Variants in SGSM2 observed in about 807,000 individuals in gnomAD.
SGSM2 encodes the protein RUN and TBC1 domain containing 1.
A neutral mutation model predicts 126.6 loss-of-function variants in SGSM2; 89 were observed. The ratio of observed to expected loss-of-function variants is 0.70; its 90% CI spans 0.59 to 0.84. The LOEUF is 0.84. Ranked by LOEUF, SGSM2 falls within the 40% of genes least tolerant of loss-of-function variation. SGSM2 has a pLI of 0.00. For missense variants in SGSM2, 1,404 were observed against 1,416.6 expected, an observed-to-expected ratio of 0.99 and a Z score of 0.14; for synonymous variants, 614 against 574.3, an observed-to-expected ratio of 1.07 and a Z score of -0.99.
Position 2,380,165 on chromosome 17 carries a change from CACCTGAGGTG to C in SGSM2, c.*649_*658del, listed in dbSNP as rs1014739747. The C allele has an allele frequency of 1.8e-5, 27 of 1,489,108 alleles. No homozygotes were observed. The African/African-American group carries it at 3.1e-4, about 17-fold the overall frequency. 92.2% of individuals were successfully genotyped at this position (1,489,108 alleles called of 1,614,324 possible). On this transcript the variant is annotated 3_prime_UTR_variant, in exon 24 of 24. Coordinates refer to ENST00000268989, the MANE Select transcript of SGSM2 (RefSeq NM_014853.3). ...CAGCAGCACTGCCACTGCCTTTGGCCACCTGAGGTGACCCCCAGGCCTCCCCGGCCTTGTA... is the reference window on the plus strand; with the variant it reads ...CAGCAGCACTGCCACTGCCTTTGGCCACCCCCAGGCCTCCCCGGCCTTGTA...
chr17:2,343,477 T>C (rs980411903), intron 1 of SGSM2, 68 bp from the exon 2 acceptor site: 2 of 1,511,336 alleles, frequency 1.3e-6, no homozygotes, highest in African/African-American at 2.7e-5. Context: ...AACCAAACTA[T>C]TTATTTGCCC....
At chr17:2,351,610 T>A (rs2064856808) in intron 2 of SGSM2, among the ~76,000 whole-genome samples, 1 of 152,206 alleles carries the variant, frequency 6.6e-6, no homozygotes, top group South Asian at 2.1e-4. Context: ...CAATGGGATG[T>A]GTAGCATGGA....
intron 1 of SGSM2, among the ~76,000 whole-genome samples, chr17:2,341,843 C>T (rs1353132582): frequency 6.6e-6 from 1 of 152,094 alleles, no homozygotes; most frequent in Non-Finnish European, 1.5e-5. Flanking sequence ...CATTCCTTGC[C>T]TAGAAACATA....
intron 2 of SGSM2, among the ~76,000 whole-genome samples, chr17:2,358,106 C>T (rs1168505725): frequency 6.6e-6 from 1 of 152,166 alleles, no homozygotes; most frequent in Non-Finnish European, 1.5e-5. Flanking sequence ...ACCCTCCACC[C>T]TGGGAGGTGG....
chr17:2,357,073 A>T (rs1343049350), intron 2 of SGSM2, among the ~76,000 whole-genome samples: 1 of 152,070 alleles, frequency 6.6e-6, no homozygotes, highest in African/African-American at 2.4e-5. Context: ...AGCCGTGTGT[A>T]GCATTTGTTA....
At chr17:2,349,608 A>G (rs1191096671) in intron 2 of SGSM2, among the ~76,000 whole-genome samples, 2 of 152,126 alleles carry the variant, frequency 1.3e-5, no homozygotes, top group East Asian at 3.9e-4. Context: ...ATAAATATAT[A>G]TGATGTCTAA....
intron 2 of SGSM2, among the ~76,000 whole-genome samples, chr17:2,358,882 T>TTTG (rs1567817497): frequency 2.0e-5 from 3 of 149,066 alleles, no homozygotes; most frequent in African/African-American, 7.5e-5. Context: ...TGTTTTTTTT[T>TTTG]TTTTTTTTTT....
At position 2,380,308 on chromosome 17, in the gene SGSM2, G is replaced by T. The variant is rs767820845; in HGVS notation, c.*788G>T. On this transcript the variant is annotated 3_prime_UTR_variant, in exon 24 of 24. Transcript: ENST00000268989. ...CGTGTAAGAAGTGATGCTTTTGCCA[G>T]TGGATGATCTGGAATGCGACCGGAG... is the stretch of plus-strand genomic sequence containing the variant. 1.1e-5 allele frequency: 17 copies of T among 1,535,718 alleles called. No homozygotes were observed. Among genetic ancestry groups the T allele is most frequent in the Non-Finnish European group, 1.5e-5 (17 of 1,146,824 alleles).
chr17:2,378,404 C>T (rs139151398), intron 22 of SGSM2, among the ~76,000 whole-genome samples: 30 of 152,072 alleles, frequency 2.0e-4, no homozygotes, highest in Admixed American at 1.3e-3. Flanking sequence ...GGTGAAACTC[C>T]GTCTCTACTA....
intron 17 of SGSM2, 98 bp downstream of exon 17, chr17:2,373,611 G>A (rs1414548575): frequency 8.6e-7 from 1 of 1,166,362 alleles, no homozygotes; most frequent in Non-Finnish European, 1.2e-6. Context: ...GGGAACTGGT[G>A]GGGCCCTGCG....
intron 22 of SGSM2, among the ~76,000 whole-genome samples, chr17:2,378,304 G>C (rs369988159): frequency 6.6e-6 from 1 of 151,948 alleles, no homozygotes; most frequent in Non-Finnish European, 1.5e-5. Flanking sequence ...GGCTGGGTGC[G>C]GTGGCTCATG....
At chr17:2,344,306 G>A (rs565536359) in intron 2 of SGSM2, among the ~76,000 whole-genome samples, 4 of 152,168 alleles carry the variant, frequency 2.6e-5, no homozygotes, top group African/African-American at 7.2e-5. Flanking sequence ...CTATCCCTAC[G>A]CACAGACTCT....
At position 2,362,050 on chromosome 17, in the gene SGSM2, A is replaced by T. The variant is rs1351936069; in HGVS notation, c.297-59A>T. 5 of 1,551,352 alleles carry T rather than the reference A, an allele frequency of 3.2e-6. No homozygotes were observed. The highest frequency in any genetic ancestry group is 3.5e-6 in the Non-Finnish European group (4 of 1,152,998). ...GGTACCAAGCCCCACTCCCAATGCC[A>T]GCATTCTGGGGTTTACCCCTAGACC... On this transcript the variant is annotated intron_variant, in intron 3 of 23. Transcript: ENST00000268989. The surrounding 1 kb of genome is among the most constrained non-coding windows in gnomAD (Gnocchi z 4.9).
At chr17:2,349,259 C>T (rs2064743889) in intron 2 of SGSM2, among the ~76,000 whole-genome samples, 1 of 152,086 alleles carries the variant, frequency 6.6e-6, no homozygotes. Context: ...GCCTGTAATC[C>T]CAGCTCTTTG....
chr17:2,361,614 T>C, intron 2 of SGSM2, 23 bp from the exon 3 acceptor site: 1 of 1,611,554 alleles, frequency 6.2e-7, no homozygotes, highest in Non-Finnish European at 8.5e-7. Flanking sequence ...CAGGCTCAGA[T>C]GCCGTTTCCC....
intron 2 of SGSM2, among the ~76,000 whole-genome samples, chr17:2,349,850 C>T (rs958762511): frequency 8.6e-5 from 13 of 150,392 alleles, no homozygotes; most frequent in Admixed American, 2.7e-4. Flanking sequence ...TGCAATGGAG[C>T]GGTCTTGGCT....
chr17:2,380,385 C>T lies in SGSM2; in HGVS notation c.*865C>T, dbSNP rs1264798845. ...ACTCTGTCGGGGAAGAATCCGGTCA[C>T]AGCCTCCCCTCAGAGACAGGCCTCA... On this transcript the variant is annotated 3_prime_UTR_variant, in exon 24 of 24. Coordinates refer to ENST00000268989, the MANE Select transcript of SGSM2 (RefSeq NM_014853.3). 1.5e-6 allele frequency: 2 copies of T among 1,315,596 alleles called. No homozygotes were observed. Among genetic ancestry groups the T allele is most frequent in the Non-Finnish European group, 2.1e-6 (2 of 947,108 alleles). 81.5% of individuals were successfully genotyped at this position (1,315,596 alleles called of 1,614,324 possible).
intron 13 of SGSM2, chr17:2,371,654 C>G: frequency 1.9e-6 from 1 of 535,280 alleles, no homozygotes; most frequent in Non-Finnish European, 3.3e-6. Flanking sequence ...CCACTTGCTG[C>G]CTGCAGTACT....
In SGSM2 at chr17:2,370,998, C is replaced by T. The variant is rs145508075; in HGVS notation, c.1424-264C>T. ...CAGGATAGAGCTAGGCACAATCATC[C>T]AAGACTCAGTCCAAGCATTTTACCA... On this transcript the variant is annotated intron_variant, in intron 12 of 23. Transcript: ENST00000268989. Among the ~76,000 whole-genome samples, 343 of 152,214 alleles carry T rather than the reference C, an allele frequency of 2.3e-3. 2 individuals carry two copies. Among genetic ancestry groups the T allele is most frequent in the African/African-American group, 8.0e-3 (334 of 41,508 alleles).
Sources: allele counts gnomAD v4.1 joint callset (sites outside exome capture counted in the v4.1 genomes callset), GRCh38; gene constraint gnomAD v4.1.1; non-coding constraint Gnocchi (gnomAD v3.1); transcripts MANE v1.5; gene names NCBI Gene and HGNC (gene_info 2026-07-23, HGNC 2026-07-21).